Variants in MS4A1 observed in about 807,000 individuals in gnomAD.
MS4A1 encodes membrane spanning 4-domains A1.
A neutral mutation model predicts 26.5 loss-of-function variants in MS4A1; 16 were observed. The ratio of observed to expected loss-of-function variants is 0.60; its 90% CI spans 0.41 to 0.92. The LOEUF (loss-of-function observed/expected upper bound fraction) is 0.92. Among genes scored for constraint, MS4A1 ranks in the 40% least tolerant of loss-of-function variants. The pLI is 0.00. For synonymous variants in MS4A1, 128 were observed against 117.6 expected, an observed-to-expected ratio of 1.09 and a Z score of -0.57; for missense variants, 350 against 353.0, an observed-to-expected ratio of 0.99 and a Z score of 0.07.
chr11:60,465,467 C>T (rs2086283475), intron 5 of MS4A1, among the ~76,000 whole-genome samples: 1 of 152,098 alleles, frequency 6.6e-6, no homozygotes, highest in Non-Finnish European at 1.5e-5. Flanking sequence ...CTGAACCTTC[C>T]CAACCTATAC....
chr11:60,467,402 G>T (rs1016457560), intron 7 of MS4A1, among the ~76,000 whole-genome samples: 3 of 150,466 alleles, frequency 2.0e-5, no homozygotes, highest in Non-Finnish European at 4.4e-5. Flanking sequence ...TCACCCTCCC[G>T]AGTAGCTGGG....
At chr11:60,467,109 C>T in intron 7 of MS4A1, 49 bp downstream of exon 7, 2 of 1,402,952 alleles carry the variant, frequency 1.4e-6, no homozygotes, top group South Asian at 1.2e-5. Flanking sequence ...AAATCCACAT[C>T]CACAAAGGAT....
At chr11:60,457,488 A>G (rs141200901) in intron 1 of MS4A1, among the ~76,000 whole-genome samples, 322 of 152,318 alleles carry the variant, frequency 2.1e-3, no homozygotes, top group African/African-American at 7.3e-3. Context: ...AAAAGCATGA[A>G]TGGAAATGAG....
intron 1 of MS4A1, among the ~76,000 whole-genome samples, chr11:60,456,774 T>C (rs2086207457): frequency 6.6e-6 from 1 of 152,070 alleles, no homozygotes; most frequent in East Asian, 1.9e-4. Flanking sequence ...ATTGTGAGCA[T>C]TTTTGTGTGT....
intron 1 of MS4A1, among the ~76,000 whole-genome samples, chr11:60,457,829 G>A (rs373867330): frequency 2.6e-5 from 4 of 152,106 alleles, no homozygotes; most frequent in African/African-American, 9.7e-5. Context: ...GAAGAGAGTG[G>A]GTAGCAAAGC....
At chr11:60,468,007 G>A (rs1003867919) in intron 7 of MS4A1, among the ~76,000 whole-genome samples, 6 of 152,100 alleles carry the variant, frequency 3.9e-5, no homozygotes, top group African/African-American at 1.4e-4. Context: ...CCAATACCAC[G>A]TGGTCATTCC....
At position 60,470,250 on chromosome 11, in the gene MS4A1, G is replaced by C. The variant is rs202133624; in HGVS notation, c.*1782G>C. On this transcript the variant is annotated 3_prime_UTR_variant, in exon 8 of 8. Coordinates refer to ENST00000345732, the MANE Select transcript of MS4A1 (RefSeq NM_152866.3). The stretch of plus-strand genomic sequence containing the variant: ...TCTCAAAAAAAATGTTCATGGGATA[G>C]GTCATTGATAATGGATTCCTTATTC... 6.6e-6 allele frequency: 1 copy of C among 151,852 alleles called. No homozygotes were observed. The highest frequency in any genetic ancestry group is 2.4e-5 in the African/African-American group (1 of 41,360). 9.4% of individuals were successfully genotyped at this position (151,852 alleles called of 1,614,324 possible). A position where few individuals can be genotyped will look rare whatever the true frequency, so the allele number is the denominator to read the frequency against.
chr11:60,465,035 G>A (rs2086279532), intron 5 of MS4A1, among the ~76,000 whole-genome samples: 1 of 152,162 alleles, frequency 6.6e-6, no homozygotes, highest in Admixed American at 6.5e-5. Context: ...TGAGGGAATG[G>A]GTGGATTGAG....
chr11:60,467,277 C>CTTT (rs201750543), intron 7 of MS4A1, among the ~76,000 whole-genome samples: 1,640 of 134,510 alleles, frequency 0.012, 43 homozygotes, highest in African/African-American at 0.042. Context: ...TTCTGTGCGT[C>CTTT]TTTTTTTTTT....
Position 60,469,419 on chromosome 11 carries a change from A to ATAACCAGGT in MS4A1, c.*952_*960dup, listed in dbSNP as rs1338921155. The ATAACCAGGT allele has an allele frequency of 2.0e-5, 3 of 152,194 alleles. No homozygotes were observed. In the South Asian group the frequency reaches 6.2e-4, roughly 31 times the overall value. The allele number at this position is 152,194 out of a possible 1,614,324, so 9.4% of individuals were successfully genotyped here. A position where few individuals can be genotyped will look rare whatever the true frequency, so the allele number is the denominator to read the frequency against. On this transcript the variant is annotated 3_prime_UTR_variant, in exon 8 of 8. Transcript: ENST00000345732. ...CTAGTAATTATGAGAGCCTTGTTTCATAACCAGGTCTTCTTACTCAAATCC... is the reference window on the plus strand; with the variant it reads ...CTAGTAATTATGAGAGCCTTGTTTCATAACCAGGTTAACCAGGTCTTCTTACTCAAATCC...
chr11:60,466,733 A>G, intron 6 of MS4A1: 1 of 551,794 alleles, frequency 1.8e-6, no homozygotes, highest in Non-Finnish European at 3.3e-6. Context: ...CTTACTTTCT[A>G]TCAGCAATAC....
chr11:60,463,743 A>G (rs1368419046), intron 4 of MS4A1: 1 of 451,672 alleles, frequency 2.2e-6, no homozygotes, highest in African/African-American at 2.0e-5. Context: ...TTAGAACAAG[A>G]GTTTCCTCCA....
At chr11:60,466,583 TA>T (rs923523005) in intron 6 of MS4A1, 269 of 315,220 alleles carry the variant, frequency 8.5e-4, no homozygotes, top group Middle Eastern at 2.2e-3. Context: ...TTGAAAGAGA[TA>T]AAAAAAAATG....
intron 6 of MS4A1, chr11:60,466,663 T>C (rs550331192): frequency 2.4e-6 from 1 of 417,574 alleles, no homozygotes; most frequent in African/African-American, 2.0e-5. Context: ...ACAATTTAAT[T>C]TGAGACTCAT....
At chr11:60,464,223 C>T in intron 4 of MS4A1, 65 bp from the exon 5 acceptor site, 2 of 1,208,734 alleles carry the variant, frequency 1.7e-6, no homozygotes, top group Non-Finnish European at 2.4e-6. Context: ...AAGTGATCTC[C>T]CTCTCTCCTC....
Position 60,462,175 on chromosome 11 carries a change from C to G in MS4A1, c.-190-10C>G. The stretch of plus-strand genomic sequence containing the variant: ...CTCTTCCTAAACAACCCCTCCATCT[C>G]CTTTCTCAGAACTCAGCAGTAGGCC... On this transcript the variant is annotated splice_polypyrimidine_tract_variant and intron_variant, in intron 2 of 7. Coordinates refer to ENST00000345732, the MANE Select transcript of MS4A1 (RefSeq NM_152866.3). The G allele has an allele frequency of 1.5e-6, 1 of 683,388 alleles. No homozygotes were observed. The highest frequency in any genetic ancestry group is 2.7e-6 in the Non-Finnish European group (1 of 376,446). The allele number at this position is 683,388 out of a possible 1,614,324, so 42.3% of individuals were successfully genotyped here.
At chr11:60,463,669 T>A in intron 4 of MS4A1, 1 of 386,710 alleles carries the variant, frequency 2.6e-6, no homozygotes, top group Middle Eastern at 3.6e-4. Context: ...CCGTGATACT[T>A]TTCATAGTTG....
In MS4A1 at chr11:60,466,154, C is replaced by T; in HGVS notation, c.570C>T (p.Phe190=). 1 of 1,602,162 alleles carries T rather than the reference C, an allele frequency of 6.2e-7. No homozygotes were observed. The highest frequency in any genetic ancestry group is 8.6e-7 in the Non-Finnish European group (1 of 1,169,248). The stretch of plus-strand genomic sequence containing the variant: ...ACTGTTACAGCATACAATCTCTGTT[C>T]TTGGTAAGTGTTCTTGGTAAGTGTG... ...TQYCYSIQSL[F]LGILSVMLIF... is the part of the protein sequence containing the mutation. The change falls in exon 6 of 8, where the codon TTC becomes TTT. Residue 190 remains phenylalanine (F), a synonymous_variant. Coordinates refer to ENST00000345732, the MANE Select transcript of MS4A1 (RefSeq NM_152866.3).
At chr11:60,456,639 G>A (rs999191821) in intron 1 of MS4A1, among the ~76,000 whole-genome samples, 5 of 152,086 alleles carry the variant, frequency 3.3e-5, no homozygotes, top group African/African-American at 1.2e-4. Context: ...AGGAAAACAA[G>A]GATTAATTTT....
Sources: gnomAD v4.1 joint callset for allele counts (sites outside exome capture counted in the v4.1 genomes callset) on GRCh38, gnomAD v4.1.1 for gene constraint, MANE v1.5 for transcripts, NCBI Gene and HGNC (gene_info 2026-07-23, HGNC 2026-07-21) for gene names.